Variants in TTC29 observed in about 807,000 individuals in gnomAD.
TTC29 encodes the protein tetratricopeptide repeat protein 29.
In TTC29, 49 loss-of-function variants were observed where a neutral mutation model predicts 58.1. That is an observed-to-expected ratio of 0.84 (90% CI 0.67 to 1.07). The LOEUF is 1.07. Ranked by LOEUF, TTC29 falls within the 50% of genes least tolerant of loss-of-function variation. The pLI is 0.00. For synonymous variants in TTC29, 209 were observed against 196.8 expected (o/e 1.06, Z -0.52); for missense variants, 582 against 555.6 (o/e 1.05, Z -0.48).
At chr4:146,818,192 A>T (rs1418146539) in intron 10 of TTC29, among the ~76,000 whole-genome samples, 1 of 152,230 alleles carries the variant, frequency 6.6e-6, no homozygotes, top group African/African-American at 2.4e-5. Context: ...CATCTGACAA[A>T]GGGCTAATAT....
At chr4:146,805,557 C>A (rs180824156) in intron 10 of TTC29, among the ~76,000 whole-genome samples, 1 of 151,874 alleles carries the variant, frequency 6.6e-6, no homozygotes, top group Non-Finnish European at 1.5e-5. Flanking sequence ...CCTGATGGAA[C>A]TGAAAAACAC....
chr4:146,835,169 TTAAG>T (rs1201714540), intron 8 of TTC29, among the ~76,000 whole-genome samples: 1 of 152,188 alleles, frequency 6.6e-6, no homozygotes, highest in African/African-American at 2.4e-5. Flanking sequence ...ATTTTCATTT[TTAAG>T]TCTCTTTTTT....
At chr4:146,889,182 T>C (rs759039776) in intron 6 of TTC29, among the ~76,000 whole-genome samples, 6 of 152,134 alleles carry the variant, frequency 3.9e-5, no homozygotes, top group Non-Finnish European at 8.8e-5. Context: ...GACCATTCAA[T>C]CCATGGTTAA....
chr4:146,891,127 C>T lies in TTC29; in HGVS notation c.586+12417G>A, dbSNP rs992580927. ...TCCAGGTAGATGAGTAGAGCAGAGCCAAAAACTCTACCCTAAACTACTAGT... is the reference window on the plus strand; with the variant it reads ...TCCAGGTAGATGAGTAGAGCAGAGCTAAAAACTCTACCCTAAACTACTAGT... On this transcript the variant is annotated intron_variant, in intron 6 of 12. Coordinates refer to ENST00000325106, the MANE Select transcript of TTC29 (RefSeq NM_031956.4). Among the ~76,000 whole-genome samples, 13 of 152,064 alleles carry T rather than the reference C, an allele frequency of 8.5e-5. 1 individual carries two copies. The highest frequency in any genetic ancestry group is 1.3e-4 in the Non-Finnish European group (9 of 68,000).
chr4:146,823,369 C>T (rs925070171), intron 9 of TTC29, among the ~76,000 whole-genome samples: 2 of 152,058 alleles, frequency 1.3e-5, no homozygotes, highest in African/African-American at 4.8e-5. Flanking sequence ...AGATCCTTTC[C>T]CCATTGATTG....
intron 11 of TTC29, among the ~76,000 whole-genome samples, chr4:146,747,376 A>G (rs1488099710): frequency 6.6e-6 from 1 of 152,160 alleles, no homozygotes; most frequent in Non-Finnish European, 1.5e-5. Context: ...ACTGCACCAC[A>G]GGAACCTGGT....
Position 146,707,058 on chromosome 4 carries a change from A to G in TTC29, c.*100T>C, listed in dbSNP as rs190066968. ...GAAAAGAGTCATAGTCCGTTTTATT[A>G]TAACTCTATATTATCTGTAACATGC... On this transcript the variant is annotated 3_prime_UTR_variant, in exon 13 of 13. Coordinates refer to ENST00000325106, the MANE Select transcript of TTC29 (RefSeq NM_031956.4). The G allele has an allele frequency of 3.3e-4, 286 of 861,494 alleles. No individual in the cohort carries two copies. Among genetic ancestry groups the G allele is most frequent in the Non-Finnish European group, 4.5e-4 (274 of 602,994 alleles). 53.4% of individuals were successfully genotyped at this position (861,494 alleles called of 1,614,324 possible). A position where few individuals can be genotyped will look rare whatever the true frequency, so the allele number is the denominator to read the frequency against.
At chr4:146,729,666 G>A (rs959053820) in intron 11 of TTC29, among the ~76,000 whole-genome samples, 2 of 152,094 alleles carry the variant, frequency 1.3e-5, no homozygotes, top group African/African-American at 4.8e-5. Context: ...AAAAAAAGAT[G>A]TTTAATTAAC....
intron 11 of TTC29, among the ~76,000 whole-genome samples, chr4:146,769,831 T>G (rs867052897): frequency 6.6e-6 from 1 of 152,068 alleles, no homozygotes; most frequent in Non-Finnish European, 1.5e-5. Flanking sequence ...AAAAAAATGA[T>G]ACTGCACAAT....
chr4:146,771,249 A>T (rs1019679541), intron 11 of TTC29, among the ~76,000 whole-genome samples: 7 of 151,978 alleles, frequency 4.6e-5, no homozygotes, highest in African/African-American at 1.7e-4. Flanking sequence ...TGTTGCTCAG[A>T]TGTTTCTTTG....
intron 11 of TTC29, among the ~76,000 whole-genome samples, chr4:146,760,772 T>C (rs1056035445): frequency 1.4e-5 from 2 of 139,662 alleles, no homozygotes; most frequent in African/African-American, 2.7e-5. Context: ...ATATATATGA[T>C]GGAATACTAT....
intron 7 of TTC29, among the ~76,000 whole-genome samples, chr4:146,869,144 C>T (rs1231868497): frequency 1.3e-5 from 2 of 150,940 alleles, no homozygotes; most frequent in African/African-American, 4.9e-5. Context: ...AAATTACCCA[C>T]CCTCAGATAT....
chr4:146,783,161 G>A (rs997690655), intron 11 of TTC29, among the ~76,000 whole-genome samples: 1 of 151,574 alleles, frequency 6.6e-6, no homozygotes, highest in Non-Finnish European at 1.5e-5. Context: ...TTTGATATAC[G>A]CATACATTGT....
rs1750391021 is a variant in TTC29 at position 146,803,596 on chromosome 4, T to C, written c.1191A>G (p.Lys397=). The change falls in exon 11 of 13, where the codon AAA becomes AAG. Residue 397 remains lysine (K), a synonymous_variant. Transcript: ENST00000325106. ...GAGCTTTTGCTATTCCATAGTGAAC[T>C]TTTGTCTCATCCATCAGAGGCATGC... ...LMSMPLMDET[K]VHYGIAKAHQ... 1 of 1,609,028 alleles carries C rather than the reference T, an allele frequency of 6.2e-7. No individual in the cohort carries two copies.
chr4:146,894,953 T>G (rs1467039), intron 6 of TTC29, among the ~76,000 whole-genome samples: 12,508 of 152,158 alleles, frequency 0.082, 680 homozygotes, highest in East Asian at 0.19. Flanking sequence ...GCCCAGGTAT[T>G]AAGCTCAGCA....
intron 11 of TTC29, among the ~76,000 whole-genome samples, chr4:146,738,081 C>T (rs1465021678): frequency 6.6e-6 from 1 of 152,122 alleles, no homozygotes; most frequent in East Asian, 1.9e-4. Context: ...GTAACTCTAC[C>T]GTCTATGAAT....
chr4:146,856,256 C>T (rs765841619), intron 8 of TTC29, among the ~76,000 whole-genome samples: 7 of 151,866 alleles, frequency 4.6e-5, no homozygotes, highest in Non-Finnish European at 8.8e-5. Flanking sequence ...ATGTGAATAC[C>T]TAGATACAAA....
chr4:146,792,662 G>T (rs1292086873), intron 11 of TTC29, among the ~76,000 whole-genome samples: 1 of 152,132 alleles, frequency 6.6e-6, no homozygotes, highest in Non-Finnish European at 1.5e-5. Context: ...TATTATTTAA[G>T]AAATACTTTG....
intron 9 of TTC29, among the ~76,000 whole-genome samples, chr4:146,826,609 G>T: frequency 6.6e-6 from 1 of 151,990 alleles, no homozygotes; most frequent in East Asian, 1.9e-4. Context: ...TTCTCATGGA[G>T]TATCTTAATG....
Sources: gnomAD v4.1 joint callset for allele counts (sites outside exome capture counted in the v4.1 genomes callset) on GRCh38, gnomAD v4.1.1 for gene constraint, MANE v1.5 for transcripts, NCBI Gene and HGNC (gene_info 2026-07-23, HGNC 2026-07-21) for gene names.